Variants in RABL6 observed in about 807,000 individuals in gnomAD.
The protein encoded by RABL6 is rab-like protein 6.
In RABL6, 28 loss-of-function variants were observed where a neutral mutation model predicts 72.9. The observed-to-expected ratio is 0.38, with a 90% CI of 0.28 to 0.53. The LOEUF (loss-of-function observed/expected upper bound fraction) is 0.53, where lower values mean the gene tolerates loss of function less well. Ranked by LOEUF, RABL6 falls within the 20% of genes least tolerant of loss-of-function variation. The pLI is 0.80. For missense variants in RABL6, 1,029 were observed against 1,008.4 expected (o/e 1.02, Z -0.28); for synonymous variants, 477 against 421.2 (o/e 1.13, Z -1.62).
chr9:136,816,724 A>AGG (rs1212586246), intron 1 of RABL6, among the ~76,000 whole-genome samples: 70 of 113,198 alleles, frequency 6.2e-4, no homozygotes, highest in South Asian at 4.6e-3. Flanking sequence ...CTCAAAAAAA[A>AGG]GGGGGGGGGG....
chr9:136,833,758 C>G (rs970398840), intron 7 of RABL6: 2 of 1,550,450 alleles, frequency 1.3e-6, no homozygotes, highest in Non-Finnish European at 1.7e-6. Flanking sequence ...GCTGTGCTGT[C>G]GTCCTGGTGT....
chr9:136,833,940 T>A lies in RABL6; in HGVS notation c.705+1570T>A. On this transcript the variant is annotated intron_variant, in intron 7 of 14. Coordinates refer to ENST00000311502, the MANE Select transcript of RABL6 (RefSeq NM_024718.5). ...TACTCCTTAGAGAGCTCCCCACTGC[T>A]CAGCTGCTCCATTCCCTAATGGTTT... is the stretch of plus-strand genomic sequence containing the variant. 1.9e-6 allele frequency: 3 copies of A among 1,548,180 alleles called. No homozygotes were observed. In the South Asian group the frequency reaches 3.6e-5, roughly 18 times the overall value.
chr9:136,832,361 G>T lies in RABL6; in HGVS notation c.696G>T (p.Leu232Phe). Reference sequence around the variant, plus strand: ...ATAAGTTCTTCAATATCCCATTTTTGCAGCTTCAGGTAAGCACTCACCACG... The same window carrying T: ...ATAAGTTCTTCAATATCCCATTTTTTCAGCTTCAGGTAAGCACTCACCACG... Reference protein sequence around the residue: ...YLHKFFNIPFLQLQRETLLRQ... With the variant: ...YLHKFFNIPFFQLQRETLLRQ... The change falls in exon 7 of 15, where the codon TTG becomes TTT. Residue 232 changes from leucine to phenylalanine, a missense_variant. This residue lies in a region of RABL6 where 434 missense variants were observed against 536.1 expected (regional missense o/e 0.81). Coordinates refer to ENST00000311502, the MANE Select transcript of RABL6 (RefSeq NM_024718.5). The T allele has an allele frequency of 6.2e-7, 1 of 1,612,148 alleles. No individual in the cohort carries two copies. Among genetic ancestry groups the T allele is most frequent in the Non-Finnish European group, 8.5e-7 (1 of 1,178,304 alleles).
At chr9:136,812,721 G>A (rs1176314055) in intron 1 of RABL6, 5 of 298,508 alleles carry the variant, frequency 1.7e-5, no homozygotes, top group South Asian at 1.6e-4. Flanking sequence ...ATCAGGTAAC[G>A]GAATAAAAAC....
In RABL6 at chr9:136,840,367, A is replaced by G. The variant is rs781765005; in HGVS notation, c.2035A>G (p.Lys679Glu). 6.4e-7 allele frequency: 1 copy of G among 1,557,100 alleles called. No individual in the cohort carries two copies. Among genetic ancestry groups the G allele is most frequent in the South Asian group, 1.2e-5 (1 of 85,146 alleles). The change falls in exon 15 of 15, where the codon AAG becomes GAG. Residue 679 changes from lysine (K) to glutamate (E), a missense_variant. Lys to Glu is a moderately conservative substitution (Grantham distance 56). This residue lies in a region of RABL6 where 595 missense variants were observed against 472.4 expected (regional missense o/e 1.26). Coordinates refer to ENST00000311502, the MANE Select transcript of RABL6 (RefSeq NM_024718.5). ...GAAGAAGAGCAAACACAAGAAGAGC[A>G]AGGACAAGGAGGAGGGCAAGGAGGA... is the stretch of plus-strand genomic sequence containing the variant. ...AKKKSKHKKS[K>E]DKEEGKEERR...
At chr9:136,837,772 G>T (rs199762490) in intron 9 of RABL6, 90 bp from the exon 10 acceptor site, 12 of 1,535,674 alleles carry the variant, frequency 7.8e-6, no homozygotes, top group Non-Finnish European at 1.1e-5. Context: ...TCCCAGTCCC[G>T]TGGGCACATC....
At chr9:136,811,049 C>T (rs771085571) in intron 1 of RABL6, among the ~76,000 whole-genome samples, 3 of 152,174 alleles carry the variant, frequency 2.0e-5, no homozygotes, top group Non-Finnish European at 4.4e-5. Flanking sequence ...AGAATAAAAA[C>T]TCGAATGAGA....
rs750488018 is a variant in RABL6, at chr9:136,839,900, G to A, written c.1930+35G>A. On this transcript the variant is annotated intron_variant, in intron 13 of 14. Transcript: ENST00000311502. ...GGCACCAGAGTGCGGTCAGCCTGCT[G>A]GAGTTTGGGTAGAACGTGGGCCTCC... The A allele has an allele frequency of 8.8e-6, 14 of 1,596,146 alleles. No homozygotes were observed. The South Asian group carries it at 1.2e-4, about 14-fold the overall frequency.
At chr9:136,831,528 G>A (rs1848473557) in intron 5 of RABL6, among the ~76,000 whole-genome samples, 193 bp from the exon 6 acceptor site, 1 of 152,188 alleles carries the variant, frequency 6.6e-6, no homozygotes. Context: ...GGCGGGGGCT[G>A]CAGGCTGAGG....
Position 136,839,844 on chromosome 9 carries a change from C to T in RABL6, c.1909C>T (p.Pro637Ser), listed in dbSNP as rs1848656565. Residue 637 changes from proline (P) to serine (S), a missense_variant, in exon 13 of 15, where the codon CCC becomes TCC. Transcript: ENST00000311502. The part of the protein sequence containing the change: ...LFGLGLEEAG[P>S]KESSEEGKEG... Reference sequence around the variant, plus strand: ...CGGGCTGGGGCTGGAGGAGGCCGGACCCAAGGAGAGCAGTGAGGAAGGTGG... The same window carrying T: ...CGGGCTGGGGCTGGAGGAGGCCGGATCCAAGGAGAGCAGTGAGGAAGGTGG... The T allele has an allele frequency of 6.2e-7, 1 of 1,612,362 alleles. No individual in the cohort carries two copies. Among genetic ancestry groups the T allele is most frequent in the Non-Finnish European group, 8.5e-7 (1 of 1,179,682 alleles).
At chr9:136,820,892 A>T (rs765748264) in intron 1 of RABL6, among the ~76,000 whole-genome samples, 2 of 152,208 alleles carry the variant, frequency 1.3e-5, no homozygotes, top group Non-Finnish European at 2.9e-5. Flanking sequence ...AGATGAATGG[A>T]TCAACTCCGT....
At chr9:136,820,986 C>T (rs1354864062) in intron 1 of RABL6, among the ~76,000 whole-genome samples, 1 of 152,136 alleles carries the variant, frequency 6.6e-6, no homozygotes, top group South Asian at 2.1e-4. Flanking sequence ...AAGTGCGTAT[C>T]GCTGAGTGAG....
Position 136,825,818 on chromosome 9 carries a change from T to G in RABL6, c.305T>G (p.Val102Gly). 6.2e-7 allele frequency: 1 copy of G among 1,612,666 alleles called. No individual in the cohort carries two copies. The highest frequency in any genetic ancestry group is 8.5e-7 in the Non-Finnish European group (1 of 1,178,704). ...DIVKVEVWDV[V>G]DKGKCKKRGD... ...GTGAAGGTTGAAGTCTGGGATGTAG[T>G]AGACAAAGGTGAGGCGTCTCTGTTC... Residue 102 changes from valine (V) to glycine (G), a missense_variant, in exon 3 of 15, where the codon GTA (valine) becomes GGA (glycine). This residue lies in a region of RABL6 where 434 missense variants were observed against 536.1 expected (regional missense o/e 0.81). Coordinates refer to ENST00000311502, the MANE Select transcript of RABL6 (RefSeq NM_024718.5).
rs1390633897 is a variant in RABL6, at chr9:136,825,775, T to G, written c.266-4T>G. The G allele has an allele frequency of 1.2e-6, 2 of 1,613,416 alleles. No homozygotes were observed. The highest frequency in any genetic ancestry group is 1.7e-6 in the Non-Finnish European group (2 of 1,179,498). ...CACTAATTTTAGGATTCTCCCTGTT[T>G]CAGCCACGGATGACATCGTGAAGGT... On this transcript the variant is annotated splice_polypyrimidine_tract_variant and splice_region_variant and intron_variant, in intron 2 of 14. Coordinates refer to ENST00000311502, the MANE Select transcript of RABL6 (RefSeq NM_024718.5).
chr9:136,834,297 T>C (rs1588369355), intron 7 of RABL6: 2 of 1,041,922 alleles, frequency 1.9e-6, no homozygotes, highest in East Asian at 1.5e-4. Flanking sequence ...CTTGGAGAAA[T>C]AAGCCACAAT....
At chr9:136,819,289 T>C (rs1012118896) in intron 1 of RABL6, among the ~76,000 whole-genome samples, 3 of 135,580 alleles carry the variant, frequency 2.2e-5, no homozygotes, top group Non-Finnish European at 3.0e-5. Context: ...GCCACTGCAC[T>C]CCAGCCTGGG....
chr9:136,814,712 C>T (rs1848081525), intron 1 of RABL6: 1 of 151,718 alleles, frequency 6.6e-6, no homozygotes, highest in African/African-American at 2.4e-5. Flanking sequence ...GATTGCGCCA[C>T]TGCAGTCCAA....
rs1319822283 is a variant in RABL6, at chr9:136,839,413, C to G, written c.1685C>G (p.Ala562Gly). ...GAGAGTGACCCCGAGGGACCCATTG[C>G]TGCACAAATGCTGTCCTTCGTCATG... ...SSESDPEGPI[A>G]AQMLSFVMDD... Residue 562 changes from alanine (A) to glycine (G), a missense_variant, in exon 12 of 15, where the codon GCT becomes GGT. Ala to Gly is a moderately conservative substitution (Grantham distance 60, BLOSUM62 0). This residue lies in a region of RABL6 where 595 missense variants were observed against 472.4 expected (regional missense o/e 1.26). Transcript: ENST00000311502. 2 of 1,612,444 alleles carry G rather than the reference C, an allele frequency of 1.2e-6. No individual in the cohort carries two copies. Among genetic ancestry groups the G allele is most frequent in the African/African-American group, 2.7e-5 (2 of 74,928 alleles).
intron 5 of RABL6, chr9:136,830,949 A>C (rs1438097290): frequency 6.5e-6 from 1 of 154,744 alleles, no homozygotes; most frequent in Non-Finnish European, 1.5e-5. Context: ...CACAGCCACG[A>C]GAGGCAGGAG....
Sources: allele counts gnomAD v4.1 joint callset (sites outside exome capture counted in the v4.1 genomes callset), GRCh38; gene constraint gnomAD v4.1.1; regional missense constraint gnomAD v4.1.1; transcripts MANE v1.5; gene names NCBI Gene and HGNC (gene_info 2026-07-23, HGNC 2026-07-21).